Variants in KRTAP5-2 observed in about 807,000 individuals in gnomAD.
KRTAP5-2 encodes the protein keratin-associated protein 5-2.
For synonymous variants in KRTAP5-2, 79 were observed against 82.7 expected (o/e 0.96, Z 0.24); for missense variants, 188 against 212.8 (o/e 0.88, Z 0.73).
Position 1,597,615 on chromosome 11 carries a change from G to T in KRTAP5-2, c.*102C>A. 13 of 1,554,660 alleles carry T rather than the reference G, an allele frequency of 8.4e-6. No homozygotes were observed. The highest frequency in any genetic ancestry group is 1.1e-5 in the Non-Finnish European group (12 of 1,139,614). On this transcript the variant is annotated 3_prime_UTR_variant, in exon 1 of 1. Coordinates refer to ENST00000412090, the MANE Select transcript of KRTAP5-2 (RefSeq NM_001004325.2). ...GTGCATGGATGGTGAGCTAGAGCAGGTGCAGGTGCCTCAGGGAGGATGTGT... is the reference window on the plus strand; with the variant it reads ...GTGCATGGATGGTGAGCTAGAGCAGTTGCAGGTGCCTCAGGGAGGATGTGT...
At position 1,597,820 on chromosome 11, in the gene KRTAP5-2, T is replaced by A. The variant is rs769507671; in HGVS notation, c.431A>T (p.Gln144Leu). The A allele has an allele frequency of 7.4e-6, 12 of 1,613,504 alleles. No individual in the cohort carries two copies. The Admixed American group carries it at 2.0e-4, about 27-fold the overall frequency. ...QSSCCKPCCC[Q>L]SSCCVPVCCQ... ...GCACACGGGGACACAGCAGCTGGAC[T>A]GGCAGCAGCAGGGCTTGCAGCAGCT... The change falls in exon 1 of 1, where the codon CAG (glutamine) becomes CTG (leucine). Residue 144 changes from glutamine to leucine, a missense_variant. Gln to Leu is a moderately radical substitution (Grantham distance 113, BLOSUM62 -2). Coordinates refer to ENST00000412090, the MANE Select transcript of KRTAP5-2 (RefSeq NM_001004325.2).
rs1279265836 is a variant in KRTAP5-2 at position 1,598,099 on chromosome 11, C to T, written c.152G>A (p.Gly51Glu). The T allele has an allele frequency of 1.9e-6, 3 of 1,611,842 alleles. No individual in the cohort carries two copies. Among genetic ancestry groups the T allele is most frequent in the Non-Finnish European group, 2.5e-6 (3 of 1,179,818 alleles). The stretch of plus-strand genomic sequence containing the variant: ...AGGCACATAACATCTGGAGCCACAT[C>T]CCCCACAGCTGGAGCTGCAGCCCCC... The part of the protein sequence containing the change: ...GCGGCSSSCG[G>E]CGSRCYVPVC... Residue 51 changes from glycine (G) to glutamate (E), a missense_variant, in exon 1 of 1, where the codon GGA becomes GAA. Gly to Glu is a moderately conservative substitution (Grantham distance 98). Transcript: ENST00000412090.
Position 1,597,576 on chromosome 11 carries a change from A to G in KRTAP5-2, c.*141T>C. ...GCAGGGCCCAGAGGAGAGCTGAGCCATGGAAGGAGGTGTGTGCATGGATGG... is the reference window on the plus strand; with the variant it reads ...GCAGGGCCCAGAGGAGAGCTGAGCCGTGGAAGGAGGTGTGTGCATGGATGG... On this transcript the variant is annotated 3_prime_UTR_variant, in exon 1 of 1. Transcript: ENST00000412090. The G allele has an allele frequency of 3.7e-6, 5 of 1,342,558 alleles. No homozygotes were observed. The highest frequency in any genetic ancestry group is 2.3e-5 in the East Asian group (1 of 42,996). The allele number at this position is 1,342,558 out of a possible 1,614,324, so 83.2% of individuals were successfully genotyped here.
At position 1,597,789 on chromosome 11, in the gene KRTAP5-2, C is replaced by T; in HGVS notation, c.462G>A (p.Gln154=). The T allele has an allele frequency of 3.7e-6, 6 of 1,613,882 alleles. No individual in the cohort carries two copies. Among genetic ancestry groups the T allele is most frequent in the Non-Finnish European group, 5.1e-6 (6 of 1,179,880 alleles). ...QSSCCVPVCC[Q]SSCCKPCCCQ... is the part of the protein sequence containing the mutation. ...AGCAACAGGGCTTGCAGCAGCTGGA[C>T]TGGCAGCACACGGGGACACAGCAGC... is the stretch of plus-strand genomic sequence containing the variant. Residue 154 remains glutamine, a synonymous_variant, in exon 1 of 1, where the codon CAG becomes CAA. Coordinates refer to ENST00000412090, the MANE Select transcript of KRTAP5-2 (RefSeq NM_001004325.2).
In KRTAP5-2 at chr11:1,597,278, C is replaced by G. The variant is rs1564950827; in HGVS notation, c.*439G>C. 5.1e-6 allele frequency: 1 copy of G among 196,904 alleles called. No homozygotes were observed. Among genetic ancestry groups the G allele is most frequent in the Non-Finnish European group, 1.1e-5 (1 of 94,262 alleles). 12.2% of individuals were successfully genotyped at this position (196,904 alleles called of 1,614,324 possible). A position where few individuals can be genotyped will look rare whatever the true frequency, so the allele number is the denominator to read the frequency against. ...GACAACAGGAAGGAAAGAGACCTTC[C>G]TGGTCACACTTGGGCCACAGGAGAA... On this transcript the variant is annotated 3_prime_UTR_variant, in exon 1 of 1. Coordinates refer to ENST00000412090, the MANE Select transcript of KRTAP5-2 (RefSeq NM_001004325.2).
rs1034262748 is a variant in KRTAP5-2 at position 1,597,481 on chromosome 11, G to C, written c.*236C>G. The C allele has an allele frequency of 1.2e-5, 8 of 666,114 alleles. No homozygotes were observed. The African/African-American group carries it at 1.3e-4, about 11-fold the overall frequency. 41.3% of individuals were successfully genotyped at this position (666,114 alleles called of 1,614,324 possible). A position where few individuals can be genotyped will look rare whatever the true frequency, so the allele number is the denominator to read the frequency against. On this transcript the variant is annotated 3_prime_UTR_variant, in exon 1 of 1. Transcript: ENST00000412090. ...AGGGAACATCGTGGCAGTCGGCTGG[G>C]TGCCTGCGTCCAGGCGAGGACACCT...
Position 1,597,344 on chromosome 11 carries a change from T to C in KRTAP5-2, c.*373A>G. 3.3e-6 allele frequency: 1 copy of C among 305,062 alleles called. No homozygotes were observed. The allele number at this position is 305,062 out of a possible 1,614,324, so 18.9% of individuals were successfully genotyped here. On this transcript the variant is annotated 3_prime_UTR_variant, in exon 1 of 1. Transcript: ENST00000412090. ...GAGGATCCAGGGTCCTGATGGTGGT[T>C]GAGAAGCTGGTTCTTAGTGATCACT...
chr11:1,597,447 C>G lies in KRTAP5-2; in HGVS notation c.*270G>C. 1.7e-6 allele frequency: 1 copy of G among 577,280 alleles called. No individual in the cohort carries two copies. The highest frequency in any genetic ancestry group is 3.1e-6 in the Non-Finnish European group (1 of 319,490). The allele number at this position is 577,280 out of a possible 1,614,324, so 35.8% of individuals were successfully genotyped here. ...AGGGAGAAGAAGAAGATGGTCCACA[C>G]CCAAGTGCAGGGAACATCGTGGCAG... On this transcript the variant is annotated 3_prime_UTR_variant, in exon 1 of 1. Coordinates refer to ENST00000412090, the MANE Select transcript of KRTAP5-2 (RefSeq NM_001004325.2).
rs1849306591 is a variant in KRTAP5-2 at position 1,597,815 on chromosome 11, T to C, written c.436A>G (p.Ser146Gly). ...SCCKPCCCQS[S>G]CCVPVCCQSS... is the part of the protein sequence containing the mutation. ...TGGCAGCACACGGGGACACAGCAGC[T>C]GGACTGGCAGCAGCAGGGCTTGCAG... Residue 146 changes from serine to glycine, a missense_variant, in exon 1 of 1, where the codon AGC becomes GGC. By Grantham distance (56) the Ser-to-Gly change is moderately conservative (BLOSUM62 0). Coordinates refer to ENST00000412090, the MANE Select transcript of KRTAP5-2 (RefSeq NM_001004325.2). 1.2e-6 allele frequency: 2 copies of C among 1,612,988 alleles called. No individual in the cohort carries two copies. The highest frequency in any genetic ancestry group is 1.3e-5 in the African/African-American group (1 of 74,556).
Position 1,598,088 on chromosome 11 carries a change from T to C in KRTAP5-2, c.163A>G (p.Arg55Gly), listed in dbSNP as rs1424305930. Residue 55 changes from arginine (R) to glycine (G), a missense_variant, in exon 1 of 1, where the codon AGA (arginine) becomes GGA (glycine). Coordinates refer to ENST00000412090, the MANE Select transcript of KRTAP5-2 (RefSeq NM_001004325.2). Reference sequence around the variant, plus strand: ...CAGCAGCAGACAGGCACATAACATCTGGAGCCACATCCCCCACAGCTGGAG... The same window carrying C: ...CAGCAGCAGACAGGCACATAACATCCGGAGCCACATCCCCCACAGCTGGAG... ...CSSSCGGCGS[R>G]CYVPVCCCKP... 5 of 1,609,224 alleles carry C rather than the reference T, an allele frequency of 3.1e-6. No homozygotes were observed. Among genetic ancestry groups the C allele is most frequent in the Non-Finnish European group, 4.2e-6 (5 of 1,179,486 alleles).
Position 1,598,147 on chromosome 11 carries a change from CG to C in KRTAP5-2, c.103del (p.Arg35ValfsTer157). 6.3e-7 allele frequency: 1 copy of C among 1,585,960 alleles called. No homozygotes were observed. The highest frequency in any genetic ancestry group is 8.6e-7 in the Non-Finnish European group (1 of 1,160,684). On this transcript the variant is annotated frameshift_variant, in exon 1 of 1. Transcript: ENST00000412090. LOFTEE classifies it low-confidence loss of function (END_TRUNC). ...CCCACAGCCAGAGCCACAGCCCCCA[CG>C]GCCGGAGCCACAGCCCCCACAGCCA... ...GSGCGGCGSG[R>X]GGCGSGCGGC...
chr11:1,597,491 C>A lies in KRTAP5-2; in HGVS notation c.*226G>T. On this transcript the variant is annotated 3_prime_UTR_variant, in exon 1 of 1. Transcript: ENST00000412090. Reference sequence around the variant, plus strand: ...GTGGCAGTCGGCTGGGTGCCTGCGTCCAGGCGAGGACACCTCCCGCATCAG... The same window carrying A: ...GTGGCAGTCGGCTGGGTGCCTGCGTACAGGCGAGGACACCTCCCGCATCAG... 2 of 716,970 alleles carry A rather than the reference C, an allele frequency of 2.8e-6. No individual in the cohort carries two copies. Among genetic ancestry groups the A allele is most frequent in the Non-Finnish European group, 4.6e-6 (2 of 432,862 alleles). The allele number at this position is 716,970 out of a possible 1,614,324, so 44.4% of individuals were successfully genotyped here.
rs940530755 is a variant in KRTAP5-2, at chr11:1,597,449, C to G, written c.*268G>C. ...GGAGAAGAAGAAGATGGTCCACACC[C>G]AAGTGCAGGGAACATCGTGGCAGTC... is the stretch of plus-strand genomic sequence containing the variant. On this transcript the variant is annotated 3_prime_UTR_variant, in exon 1 of 1. Transcript: ENST00000412090. The G allele has an allele frequency of 3.4e-6, 2 of 581,778 alleles. No homozygotes were observed. The highest frequency in any genetic ancestry group is 3.8e-5 in the African/African-American group (2 of 53,314). The allele number at this position is 581,778 out of a possible 1,614,324, so 36.0% of individuals were successfully genotyped here.
chr11:1,597,894 A>G lies in KRTAP5-2; in HGVS notation c.357T>C (p.Cys119=). The part of the protein sequence containing the change: ...GSCGCSQSSC[C]KPCCCSSGCG... The stretch of plus-strand genomic sequence containing the variant: ...AGCCTGAGGAGCAGCAACAGGGCTT[A>G]CAACAGCTGGACTGGGAGCAGCCAC... The change falls in exon 1 of 1, where the codon TGT becomes TGC. Residue 119 remains cysteine (C), a synonymous_variant. Coordinates refer to ENST00000412090, the MANE Select transcript of KRTAP5-2 (RefSeq NM_001004325.2). 4 of 1,613,710 alleles carry G rather than the reference A, an allele frequency of 2.5e-6. No homozygotes were observed. Among genetic ancestry groups the G allele is most frequent in the South Asian group, 2.2e-5 (2 of 91,044 alleles).
chr11:1,597,966 C>G lies in KRTAP5-2; in HGVS notation c.285G>C (p.Lys95Asn), dbSNP rs752145293. Residue 95 changes from lysine (K) to asparagine (N), a missense_variant, in exon 1 of 1, where the codon AAG becomes AAC. Transcript: ENST00000412090. The stretch of plus-strand genomic sequence containing the variant: ...AACCCCCACAGGAGCCACAGCCCCC[C>G]TTGGAGCCCCCACAGGAGCCACAGC... ...KGGCGSCGGS[K>N]GGCGSCGGSK... 21 of 469,654 alleles carry G rather than the reference C, an allele frequency of 4.5e-5. No individual in the cohort carries two copies. Among genetic ancestry groups the G allele is most frequent in the Non-Finnish European group, 6.2e-5 (21 of 340,316 alleles). The allele number at this position is 469,654 out of a possible 1,614,324, so 29.1% of individuals were successfully genotyped here.
chr11:1,598,264 T>G lies in KRTAP5-2; in HGVS notation c.-14A>C, dbSNP rs1220239118. On this transcript the variant is annotated 5_prime_UTR_variant, in exon 1 of 1. Transcript: ENST00000412090. Reference sequence around the variant, plus strand: ...ACAGCAGCCCATGGTTCTGGTGGATTGAGGGTGGAGCAGGTAGAGGAGCAG... The same window carrying G: ...ACAGCAGCCCATGGTTCTGGTGGATGGAGGGTGGAGCAGGTAGAGGAGCAG... 6 of 1,613,676 alleles carry G rather than the reference T, an allele frequency of 3.7e-6. No individual in the cohort carries two copies. Among genetic ancestry groups the G allele is most frequent in the Admixed American group, 3.3e-5 (2 of 59,992 alleles).
In KRTAP5-2 at chr11:1,597,846, G is replaced by A. The variant is rs1019747468; in HGVS notation, c.405C>T (p.Ser135=). The A allele has an allele frequency of 4.3e-6, 7 of 1,613,746 alleles. No homozygotes were observed. The African/African-American group carries it at 9.4e-5, about 22-fold the overall frequency. Residue 135 remains serine, a synonymous_variant, in exon 1 of 1, where the codon TCC becomes TCT. Coordinates refer to ENST00000412090, the MANE Select transcript of KRTAP5-2 (RefSeq NM_001004325.2). ...SSGCGSSCCQ[S]SCCKPCCCQS... ...GGCAGCAGCAGGGCTTGCAGCAGCT[G>A]GACTGGCAGCAGGATGATCCACAGC...
chr11:1,598,235 A>C lies in KRTAP5-2; in HGVS notation c.16T>G (p.Cys6Gly), dbSNP rs2133494160. The C allele has an allele frequency of 6.2e-7, 1 of 1,613,116 alleles. No individual in the cohort carries two copies. Among genetic ancestry groups the C allele is most frequent in the African/African-American group, 1.3e-5 (1 of 74,710 alleles). ...CAGCCGGAGCCACAGCCTCTGGAGC[A>C]GCCACAGCAGCCCATGGTTCTGGTG... MGCCG[C>G]SRGCGSGCGG... is the part of the protein sequence containing the mutation. Residue 6 changes from cysteine to glycine, a missense_variant, in exon 1 of 1, where the codon TGC becomes GGC. By Grantham distance (159) the Cys-to-Gly change is radical. Transcript: ENST00000412090.
chr11:1,597,827 A>C lies in KRTAP5-2; in HGVS notation c.424T>G (p.Cys142Gly). Reference sequence around the variant, plus strand: ...GGGACACAGCAGCTGGACTGGCAGCAGCAGGGCTTGCAGCAGCTGGACTGG... The same window carrying C: ...GGGACACAGCAGCTGGACTGGCAGCCGCAGGGCTTGCAGCAGCTGGACTGG... The part of the protein sequence containing the change: ...CCQSSCCKPC[C>G]CQSSCCVPVC... Residue 142 changes from cysteine to glycine, a missense_variant, in exon 1 of 1, where the codon TGC becomes GGC. Cys to Gly is a radical substitution (Grantham distance 159). Coordinates refer to ENST00000412090, the MANE Select transcript of KRTAP5-2 (RefSeq NM_001004325.2). 1 of 1,613,772 alleles carries C rather than the reference A, an allele frequency of 6.2e-7. No individual in the cohort carries two copies. The highest frequency in any genetic ancestry group is 8.5e-7 in the Non-Finnish European group (1 of 1,179,912).
Sources: gnomAD v4.1 joint callset for allele counts on GRCh38, gnomAD v4.1.1 for gene constraint, MANE v1.5 for transcripts, NCBI Gene and HGNC (gene_info 2026-07-23, HGNC 2026-07-21) for gene names.